The following CD48 variants were observed in gnomAD, a reference collection of about 807,000 sequenced individuals.
CD48 encodes CD48 antigen.
A neutral mutation model predicts 22.0 loss-of-function variants in CD48; 20 were observed. The ratio of observed to expected loss-of-function variants is 0.91; its 90% CI spans 0.64 to 1.32. The LOEUF is 1.32. Ranked by LOEUF, CD48 falls within the 40% of genes most tolerant of loss-of-function variation. The pLI is 0.00. For missense variants in CD48, 307 were observed against 286.5 expected (o/e 1.07, Z -0.52); for synonymous variants, 110 against 110.1 (o/e 1.00, Z 0.01).
At chr1:160,693,445 G>A (rs897473340) in intron 1 of CD48, among the ~76,000 whole-genome samples, 13 of 152,150 alleles carry the variant, frequency 8.5e-5, no homozygotes, top group East Asian at 7.7e-4. Flanking sequence ...GAGGAGCTAC[G>A]CATAAAGCTA....
intron 2 of CD48, 136 bp from the exon 3 acceptor site, chr1:160,681,604 C>T: frequency 1.8e-6 from 2 of 1,102,516 alleles, no homozygotes; most frequent in East Asian, 4.9e-5. Flanking sequence ...AGAAGTTCTA[C>T]AGAGGGAGCC....
chr1:160,678,771 A>G lies in CD48; in HGVS notation c.*281T>C, dbSNP rs1042936467. ...TTCAGTTAATTGACAATTATATCAA[A>G]TGTTTATTTTAAAAAATAATAAAAC... is the stretch of plus-strand genomic sequence containing the variant. On this transcript the variant is annotated 3_prime_UTR_variant, in exon 4 of 4. Coordinates refer to ENST00000368046, the MANE Select transcript of CD48 (RefSeq NM_001778.4). 11 of 283,732 alleles carry G rather than the reference A, an allele frequency of 3.9e-5. No individual in the cohort carries two copies. The highest frequency in any genetic ancestry group is 7.3e-5 in the Non-Finnish European group (11 of 150,962). The allele number at this position is 283,732 out of a possible 1,614,324, so 17.6% of individuals were successfully genotyped here.
chr1:160,702,640 C>A (rs1662670792), intron 1 of CD48, among the ~76,000 whole-genome samples: 1 of 152,094 alleles, frequency 6.6e-6, no homozygotes, highest in South Asian at 2.1e-4. Flanking sequence ...AACAGTGCAA[C>A]TTTTTTGAAT....
At chr1:160,707,823 C>T (rs34297043) in intron 1 of CD48, among the ~76,000 whole-genome samples, 11,866 of 152,242 alleles carry the variant, frequency 0.078, 580 homozygotes, top group Middle Eastern at 0.14. Flanking sequence ...TCCCTCCCTC[C>T]ATCCACCCAT....
chr1:160,681,480 G>C lies in CD48; in HGVS notation c.386-12C>G. ...CTTGGGTACAGGGTCTGAAAGTGAG[G>C]AGGATGTTATAAGATGAGACAGTGA... On this transcript the variant is annotated splice_polypyrimidine_tract_variant and intron_variant, in intron 2 of 3. Coordinates refer to ENST00000368046, the MANE Select transcript of CD48 (RefSeq NM_001778.4). 6.2e-7 allele frequency: 1 copy of C among 1,612,314 alleles called. No individual in the cohort carries two copies. The highest frequency in any genetic ancestry group is 1.1e-5 in the South Asian group (1 of 90,802).
intron 1 of CD48, among the ~76,000 whole-genome samples, chr1:160,690,265 C>T (rs368732515): frequency 5.3e-5 from 8 of 152,300 alleles, no homozygotes; most frequent in African/African-American, 1.9e-4. Flanking sequence ...TAAAAATGGG[C>T]CGTGCCTTCC....
chr1:160,681,701 G>A (rs1558030147), intron 2 of CD48, among the ~76,000 whole-genome samples: 1 of 152,122 alleles, frequency 6.6e-6, no homozygotes, highest in African/African-American at 2.4e-5. Context: ...TCCTGGAGGG[G>A]GCGCCACAGT....
chr1:160,709,093 C>A (rs1662875468), intron 1 of CD48, among the ~76,000 whole-genome samples: 1 of 152,198 alleles, frequency 6.6e-6, no homozygotes, highest in Non-Finnish European at 1.5e-5. Context: ...TCCCCCAAAT[C>A]TGTGGGCAAA....
chr1:160,706,301 T>C (rs530477006), intron 1 of CD48, among the ~76,000 whole-genome samples: 65 of 152,302 alleles, frequency 4.3e-4, no homozygotes, highest in South Asian at 3.5e-3. Flanking sequence ...CTCAAACTCC[T>C]GACCTCAGGT....
At chr1:160,690,908 G>A (rs1365737145) in intron 1 of CD48, among the ~76,000 whole-genome samples, 3 of 152,168 alleles carry the variant, frequency 2.0e-5, no homozygotes, top group Admixed American at 2.0e-4. Flanking sequence ...GTTAATCTAT[G>A]ACCTTACCCC....
intron 2 of CD48, among the ~76,000 whole-genome samples, chr1:160,681,798 GTA>G (rs1205356712): frequency 6.6e-6 from 1 of 152,178 alleles, no homozygotes; most frequent in Non-Finnish European, 1.5e-5. Flanking sequence ...GTCAGACTTA[GTA>G]TATCAACTGC....
At chr1:160,681,941 G>A (rs1417059876) in intron 2 of CD48, among the ~76,000 whole-genome samples, 2 of 152,184 alleles carry the variant, frequency 1.3e-5, no homozygotes, top group African/African-American at 2.4e-5. Flanking sequence ...GCGTGGCAAA[G>A]TCCTTTGCAC....
At chr1:160,695,435 A>G (rs1270669962) in intron 1 of CD48, among the ~76,000 whole-genome samples, 5 of 151,610 alleles carry the variant, frequency 3.3e-5, no homozygotes, top group African/African-American at 1.2e-4. Flanking sequence ...ACTCCTTTTC[A>G]TTATTTAGGG....
intron 1 of CD48, among the ~76,000 whole-genome samples, chr1:160,700,926 G>C (rs891388500): frequency 6.6e-6 from 1 of 152,002 alleles, no homozygotes; most frequent in Non-Finnish European, 1.5e-5. Context: ...TCAAAATTTG[G>C]TAACAGTCAA....
intron 1 of CD48, among the ~76,000 whole-genome samples, chr1:160,695,029 C>A (rs1363453402): frequency 6.6e-6 from 1 of 152,200 alleles, no homozygotes; most frequent in East Asian, 1.9e-4. Context: ...GCCTCTCCAA[C>A]CTGGGTTGCC....
intron 1 of CD48, among the ~76,000 whole-genome samples, chr1:160,704,533 A>G (rs549374813): frequency 6.6e-6 from 1 of 152,228 alleles, no homozygotes; most frequent in African/African-American, 2.4e-5. Context: ...ACATGTTGCA[A>G]TCGGGCTGCA....
intron 3 of CD48, 196 bp downstream of exon 3, chr1:160,681,006 C>T: frequency 3.4e-6 from 5 of 1,459,088 alleles, no homozygotes; most frequent in African/African-American, 2.8e-5. Flanking sequence ...CACTGAGCCC[C>T]CACGAAGTTG....
Position 160,678,942 on chromosome 1 carries a change from G to A in CD48, c.*110C>T. The A allele has an allele frequency of 1.4e-6, 1 of 739,654 alleles. No individual in the cohort carries two copies. Among genetic ancestry groups the A allele is most frequent in the South Asian group, 1.6e-5 (1 of 63,146 alleles). 45.8% of individuals were successfully genotyped at this position (739,654 alleles called of 1,614,324 possible). ...CTTGAAAATCCTCGTTGATAATTCA[G>A]CAGCATGCTTCTGGTCAGCCTATAC... On this transcript the variant is annotated 3_prime_UTR_variant, in exon 4 of 4. Coordinates refer to ENST00000368046, the MANE Select transcript of CD48 (RefSeq NM_001778.4).
At position 160,681,416 on chromosome 1, in the gene CD48, G is replaced by T. The variant is rs1302801196; in HGVS notation, c.438C>A (p.Asp146Glu). 2 of 1,614,060 alleles carry T rather than the reference G, an allele frequency of 1.2e-6. No homozygotes were observed. The highest frequency in any genetic ancestry group is 1.7e-6 in the Non-Finnish European group (2 of 1,179,914). ...CACATGACAGTTTCAGATAACAGTT[G>T]TCATCCATGTCTTCTATCTTCTCAA... ...IKIEKIEDMD[D>E]NCYLKLSCVI... is the part of the protein sequence containing the mutation. The change falls in exon 3 of 4, where the codon GAC becomes GAA. Residue 146 changes from aspartate (D) to glutamate (E), a missense_variant. Asp to Glu is a conservative substitution (Grantham distance 45). Coordinates refer to ENST00000368046, the MANE Select transcript of CD48 (RefSeq NM_001778.4).
Sources: gnomAD v4.1 joint callset for allele counts (sites outside exome capture counted in the v4.1 genomes callset) on GRCh38, gnomAD v4.1.1 for gene constraint, MANE v1.5 for transcripts, NCBI Gene and HGNC (gene_info 2026-07-23, HGNC 2026-07-21) for gene names.